Variants in GRAMD4 observed in about 807,000 individuals in gnomAD.
GRAMD4 encodes the protein GRAM domain containing 4, also known as GRAM domain-containing protein 4.
GRAMD4 carries 25 observed loss-of-function variants against 83.9 expected under a neutral mutation model. That is an observed-to-expected ratio of 0.30 (90% CI 0.22 to 0.42). GRAMD4 has a LOEUF of 0.42. Ranked by LOEUF, GRAMD4 falls within the 10% of genes least tolerant of loss-of-function variation. GRAMD4 has a pLI of 1.00. For synonymous variants in GRAMD4, 336 were observed against 320.9 expected (o/e 1.05, Z -0.50); for missense variants, 593 against 788.7 (o/e 0.75, Z 2.97).
rs528549452 is a variant in GRAMD4 at position 46,599,820 on chromosome 22, G to A, written c.-50+22530G>A. 8.5e-5 allele frequency among the ~76,000 whole-genome samples: 13 copies of A among 152,226 alleles called. No individual in the cohort carries two copies. The East Asian group carries it at 2.3e-3, about 27-fold the overall frequency. Reference sequence around the variant, plus strand: ...GCCTACGAGTTCCATGGTCGCCGTCGCTGGAGCAAAGGCGTGTTGTGAGGT... The same window carrying A: ...GCCTACGAGTTCCATGGTCGCCGTCACTGGAGCAAAGGCGTGTTGTGAGGT... On this transcript the variant is annotated intron_variant, in intron 1 of 1. Transcript: ENST00000431155.
At chr22:46,658,429 G>A in intron 4 of GRAMD4, 122 bp downstream of exon 4, 1 of 1,014,180 alleles carries the variant, frequency 9.9e-7, no homozygotes, top group Non-Finnish European at 1.4e-6. Flanking sequence ...GCCCTGGAGA[G>A]GCCTGAGTGT....
At position 46,577,169 on chromosome 22, in the gene GRAMD4, C is replaced by G. The variant is rs2081049808; in HGVS notation, c.-171C>G. The stretch of plus-strand genomic sequence containing the variant: ...TCGTGGCCGGGACCCGCGGGGCCGC[C>G]TCCTCCCGGCTCCCCGGCGCCGCTG... On this transcript the variant is annotated 5_prime_UTR_variant, in exon 1 of 2. Transcript: ENST00000431155. 5 of 487,422 alleles carry G rather than the reference C, an allele frequency of 1.0e-5. No homozygotes were observed. The South Asian group carries it at 3.4e-4, about 34-fold the overall frequency. 30.2% of individuals were successfully genotyped at this position (487,422 alleles called of 1,614,324 possible). A position where few individuals can be genotyped will look rare whatever the true frequency, so the allele number is the denominator to read the frequency against.
intron 3 of GRAMD4, among the ~76,000 whole-genome samples, chr22:46,639,433 T>C (rs1320698289): frequency 6.7e-6 from 1 of 150,150 alleles, no homozygotes; most frequent in Non-Finnish European, 1.5e-5. Flanking sequence ...AGTGTGTGTG[T>C]GTGTCTGCGT....
intron 13 of GRAMD4, among the ~76,000 whole-genome samples, chr22:46,669,994 A>C (rs1035536857): frequency 6.6e-6 from 1 of 152,186 alleles, no homozygotes; most frequent in Non-Finnish European, 1.5e-5. Flanking sequence ...CGAGGCCGCC[A>C]GGGTCCTGTC....
rs553769998 is a variant in GRAMD4, at chr22:46,679,168, A to C, written c.*1917A>C. ...CTCTCCCCAGGGCCCGGCAGTGCCC[A>C]AGGATGGGTCCGGGGCCTCGGGGCC... On this transcript the variant is annotated 3_prime_UTR_variant, in exon 19 of 19. Coordinates refer to ENST00000406902, the MANE Select transcript of GRAMD4 (RefSeq NM_015124.5). 410 of 984,852 alleles carry C rather than the reference A, an allele frequency of 4.2e-4. 1 individual carries two copies. The African/African-American group carries it at 6.7e-3, about 16-fold the overall frequency. The allele number at this position is 984,852 out of a possible 1,614,324, so 61.0% of individuals were successfully genotyped here. A position where few individuals can be genotyped will look rare whatever the true frequency, so the allele number is the denominator to read the frequency against.
At chr22:46,626,428 G>T (rs1430450459) in intron 1 of GRAMD4, among the ~76,000 whole-genome samples, 7 of 152,270 alleles carry the variant, frequency 4.6e-5, no homozygotes. Context: ...TGGGAGCCGG[G>T]GGCCTCGCTT....
intron 3 of GRAMD4, among the ~76,000 whole-genome samples, chr22:46,646,646 T>A (rs1363976074): frequency 6.6e-6 from 1 of 152,232 alleles, no homozygotes; most frequent in Non-Finnish European, 1.5e-5. Flanking sequence ...TGACTCAGTG[T>A]CCCTGGACTT....
In GRAMD4 at chr22:46,663,953, G is replaced by A. The variant is rs921283273; in HGVS notation, c.626-73G>A. The A allele has an allele frequency of 9.8e-5, 154 of 1,570,250 alleles. No individual in the cohort carries two copies. In the South Asian group the frequency reaches 1.4e-3, roughly 15 times the overall value. On this transcript the variant is annotated intron_variant, in intron 7 of 18. Coordinates refer to ENST00000406902, the MANE Select transcript of GRAMD4 (RefSeq NM_015124.5). The stretch of plus-strand genomic sequence containing the variant: ...GGACTCTGGGATTCTGAGCTGAACC[G>A]ACTCTCCAGGGAGACGTGGTTAAGC...
intron 1 of GRAMD4, among the ~76,000 whole-genome samples, chr22:46,592,715 AC>A (rs1238170794): frequency 1.3e-5 from 2 of 151,292 alleles, no homozygotes; most frequent in Admixed American, 6.6e-5. Context: ...GGCTTTAAAA[AC>A]CCCAGTGTCG....
chr22:46,631,371 C>T (rs1352343193), intron 2 of GRAMD4, among the ~76,000 whole-genome samples: 2 of 152,264 alleles, frequency 1.3e-5, no homozygotes, highest in African/African-American at 2.4e-5. Context: ...TGCATTCCGC[C>T]TCCTGTCTCT....
chr22:46,656,799 TCTC>T (rs1263997200), intron 3 of GRAMD4, among the ~76,000 whole-genome samples: 1 of 152,204 alleles, frequency 6.6e-6, no homozygotes, highest in East Asian at 1.9e-4. Context: ...CAAACGCTCT[TCTC>T]CTGCTGCCAT....
In GRAMD4 at chr22:46,651,672, G is replaced by A. The variant is rs1440538656; in HGVS notation, c.284-6515G>A. 3.9e-5 allele frequency among the ~76,000 whole-genome samples: 6 copies of A among 152,336 alleles called. No homozygotes were observed. The South Asian group carries it at 1.0e-3, about 26-fold the overall frequency. On this transcript the variant is annotated intron_variant, in intron 3 of 18. Coordinates refer to ENST00000406902, the MANE Select transcript of GRAMD4 (RefSeq NM_015124.5). ...GTGCCCCGTGCTGCCATTAGGATGC[G>A]CTGTGGCAGGTCATGCATTTGTGGG...
At chr22:46,603,516 T>TTTGTTTTTTTTTTTTTTTTTTG in intron 1 of GRAMD4, among the ~76,000 whole-genome samples, 2 of 36,352 alleles carry the variant, frequency 5.5e-5, no homozygotes, top group African/African-American at 3.1e-4. Context: ...GCCTCTTCTC[T>TTTGTTTTTTTTTTTTTTTTTTG]TTTTTTTTTT....
At position 46,621,208 on chromosome 22, in the gene GRAMD4, G is replaced by A. The variant is rs1434274024; in HGVS notation, c.-50+643G>A. 2.0e-5 allele frequency among the ~76,000 whole-genome samples: 3 copies of A among 152,134 alleles called. No individual in the cohort carries two copies. Among genetic ancestry groups the A allele is most frequent in the Non-Finnish European group, 4.4e-5 (3 of 68,002 alleles). ...GGCGGTGTCGGGAGACCCGGGTCTG[G>A]CCTGAGGTGCAGCCTGGAGCTATGC... On this transcript the variant is annotated intron_variant, in intron 1 of 18. Transcript: ENST00000406902. This position sits in a 1 kb window ranked among gnomAD's most constrained non-coding sequence, Gnocchi z 5.8.
intron 1 of GRAMD4, among the ~76,000 whole-genome samples, chr22:46,598,291 T>C (rs1205648237): frequency 6.6e-6 from 1 of 152,054 alleles, no homozygotes; most frequent in African/African-American, 2.4e-5. Context: ...TGGGTGGCGT[T>C]TTTTTGGTGA....
At chr22:46,680,646 C>T (rs1220585762), downstream of GRAMD4, among the ~76,000 whole-genome samples, 14 of 123,198 alleles carry the variant, frequency 1.1e-4, no homozygotes, top group Non-Finnish European at 2.1e-4. Context: ...ATCCATTCAT[C>T]CATCCACCTA....
At chr22:46,633,289 T>G (rs539027514) in intron 2 of GRAMD4, among the ~76,000 whole-genome samples, 1 of 152,128 alleles carries the variant, frequency 6.6e-6, no homozygotes, top group South Asian at 2.1e-4. Flanking sequence ...TTGTCACAGG[T>G]GGGTACTGTT....
upstream of GRAMD4, among the ~76,000 whole-genome samples, chr22:46,616,951 C>T (rs2081509487): frequency 7.4e-6 from 1 of 135,292 alleles, no homozygotes; most frequent in Non-Finnish European, 1.6e-5. Flanking sequence ...CGTGTAGGTT[C>T]CCCCGTGTGT....
upstream of GRAMD4, among the ~76,000 whole-genome samples, chr22:46,615,539 T>A (rs1263296008): frequency 7.2e-6 from 1 of 138,550 alleles, no homozygotes; most frequent in Non-Finnish European, 1.5e-5. Flanking sequence ...GTGTGTAGGT[T>A]CCCCTGTGTG....
Sources: gnomAD v4.1 joint callset for allele counts (sites outside exome capture counted in the v4.1 genomes callset) on GRCh38, gnomAD v4.1.1 for gene constraint, Gnocchi (gnomAD v3.1) non-coding constraint, MANE v1.5 for transcripts, NCBI Gene and HGNC (gene_info 2026-07-23, HGNC 2026-07-21) for gene names.